The following MYH9 variants were observed in gnomAD, a reference collection of about 807,000 sequenced individuals.
MYH9 encodes the protein myosin heavy chain 9, also known as myosin-9.
A neutral mutation model predicts 241.9 loss-of-function variants in MYH9; 29 were observed. That is an observed-to-expected ratio of 0.12 (90% confidence interval 0.09 to 0.16). The LOEUF (loss-of-function observed/expected upper bound fraction) is 0.16, where lower values mean the gene tolerates loss of function less well. Ranked by LOEUF, MYH9 falls within the 10% of genes least tolerant of loss-of-function variation. The pLI, the probability that MYH9 is intolerant of heterozygous loss-of-function variation, is 1.00. For missense variants in MYH9, 1,803 were observed against 2,595.5 expected (o/e 0.69, Z 6.63); for synonymous variants, 1,047 against 1,062.6 (o/e 0.99, Z 0.29).
Position 36,334,021 on chromosome 22 carries a change from C to G in MYH9, c.491-6533G>C, listed in dbSNP as rs558702595. Among the ~76,000 whole-genome samples the G allele has an allele frequency of 3.3e-5, 5 of 152,162 alleles. No homozygotes were observed. In the East Asian group the frequency reaches 9.6e-4, roughly 29 times the overall value. On this transcript the variant is annotated intron_variant, in intron 3 of 40. Coordinates refer to ENST00000216181, the MANE Select transcript of MYH9 (RefSeq NM_002473.6). ...ACCCAAAATTTCAGGTTCTAAGAGG[C>G]CACTTCCTTTTTATCTCCCGCTCAG...
At chr22:36,360,076 C>CACCACCACCACCACT (rs2017915380) in intron 1 of MYH9, among the ~76,000 whole-genome samples, 1 of 150,278 alleles carries the variant, frequency 6.7e-6, no homozygotes. Flanking sequence ...CCACCACCAC[C>CACCACCACCACCACT]TAACATCAGA....
At chr22:36,358,475 C>T (rs951281193) in intron 1 of MYH9, among the ~76,000 whole-genome samples, 1 of 152,150 alleles carries the variant, frequency 6.6e-6, no homozygotes. Flanking sequence ...AGCTCTCCCC[C>T]ACACCCCTTC....
rs138264059 is a variant in MYH9, at chr22:36,329,623, T to A, written c.491-2135A>T. Among the ~76,000 whole-genome samples, 629 of 152,236 alleles carry A rather than the reference T, an allele frequency of 4.1e-3. No homozygotes were observed. Among genetic ancestry groups the A allele is most frequent in the Non-Finnish European group, 6.9e-3 (467 of 68,002 alleles). On this transcript the variant is annotated intron_variant, in intron 3 of 40. Coordinates refer to ENST00000216181, the MANE Select transcript of MYH9 (RefSeq NM_002473.6). This position sits in a 1 kb window ranked among gnomAD's most constrained non-coding sequence, Gnocchi z 4.1. ...CCAATGCTACCATAAAAGGAAACAT[T>A]CCCCAACCCTTCCAGAGGAACCGTT... is the stretch of plus-strand genomic sequence containing the variant.
intron 21 of MYH9, 49 bp from the exon 22 acceptor site, chr22:36,301,106 C>T (rs781278360): frequency 6.4e-6 from 10 of 1,562,514 alleles, no homozygotes; most frequent in Non-Finnish European, 8.7e-6. Flanking sequence ...ACCCTCAAGC[C>T]ACTCCATCCT....
intron 24 of MYH9, among the ~76,000 whole-genome samples, chr22:36,297,828 C>T (rs904146407): frequency 1.3e-5 from 2 of 152,238 alleles, no homozygotes. Flanking sequence ...GCCAGGTCAC[C>T]GGCATGCTAA....
In MYH9 at chr22:36,285,324, G is replaced by T; in HGVS notation, c.5280C>A (p.Asp1760Glu). 6.2e-7 allele frequency: 1 copy of T among 1,609,196 alleles called. No homozygotes were observed. Among genetic ancestry groups the T allele is most frequent in the Non-Finnish European group, 8.5e-7 (1 of 1,180,016 alleles). Reference sequence around the variant, plus strand: ...CCAGGTTCAGGTCGGTGTTGATCTGGTCGATCTGCAGAAGAAGGGCCAGTG... The same window carrying T: ...CCAGGTTCAGGTCGGTGTTGATCTGTTCGATCTGCAGAAGAAGGGCCAGTG... ...DRLKKANLQI[D>E]QINTDLNLER... The change falls in exon 38 of 41, where the codon GAC (aspartate) becomes GAA (glutamate). Residue 1760 changes from aspartate to glutamate, a missense_variant. Around this residue, in one of 11 missense-constraint regions of MYH9, gnomAD observed 876 missense variants for 1,077.8 expected, o/e 0.81. Transcript: ENST00000216181. This position sits in a 1 kb window ranked among gnomAD's most constrained non-coding sequence, Gnocchi z 7.0.
intron 1 of MYH9, among the ~76,000 whole-genome samples, chr22:36,350,770 G>A (rs1013593225): frequency 1.3e-5 from 2 of 152,134 alleles, no homozygotes; most frequent in East Asian, 1.9e-4. Flanking sequence ...TAACACCATC[G>A]TTATTCCTGC....
chr22:36,299,058 T>C lies in MYH9; in HGVS notation c.2977-16A>G, dbSNP rs769437083. The stretch of plus-strand genomic sequence containing the variant: ...GTTTCTTTTCCTGGGGAGAGGGGAG[T>C]AGGCTGGCATTTAGTGTTGGTTGAG... On this transcript the variant is annotated splice_polypyrimidine_tract_variant and intron_variant, in intron 23 of 40. Coordinates refer to ENST00000216181, the MANE Select transcript of MYH9 (RefSeq NM_002473.6). 3 of 1,613,566 alleles carry C rather than the reference T, an allele frequency of 1.9e-6. No individual in the cohort carries two copies. Among genetic ancestry groups the C allele is most frequent in the Admixed American group, 3.3e-5 (2 of 59,954 alleles).
chr22:36,302,536 C>T, intron 20 of MYH9, 32 bp downstream of exon 20: 1 of 1,569,106 alleles, frequency 6.4e-7, no homozygotes. Flanking sequence ...ACCCGTAGTC[C>T]CAGCTACTCA....
intron 27 of MYH9, among the ~76,000 whole-genome samples, 199 bp from the exon 28 acceptor site, chr22:36,294,497 T>C (rs2016758485): frequency 6.6e-6 from 1 of 152,250 alleles, no homozygotes; most frequent in Non-Finnish European, 1.5e-5. Flanking sequence ...ACTTGGTTCC[T>C]GTCTTCACTG....
chr22:36,301,427 ACTC>A (rs1170070704), intron 21 of MYH9, 104 bp downstream of exon 21: 10 of 1,461,918 alleles, frequency 6.8e-6, no homozygotes, highest in South Asian at 1.1e-5. Flanking sequence ...GTTGTAGAAA[ACTC>A]CTATAGTAAT....
chr22:36,344,901 A>T (rs2146388210), intron 2 of MYH9, among the ~76,000 whole-genome samples: 1 of 152,300 alleles, frequency 6.6e-6, no homozygotes, highest in South Asian at 2.1e-4. Context: ...TTAAAAAGGC[A>T]CCAATAAAGA....
intron 1 of MYH9, among the ~76,000 whole-genome samples, chr22:36,378,214 T>C (rs190069159): frequency 7.7e-4 from 117 of 151,926 alleles, no homozygotes; most frequent in African/African-American, 2.7e-3. Context: ...GCCGAGGCTG[T>C]AGTGAGTTGC....
In MYH9 at chr22:36,288,325, T is replaced by C. The variant is rs1166914282; in HGVS notation, c.4859A>G (p.Lys1620Arg). ...AARKKLEMDL[K>R]DLEAHIDSAN... The stretch of plus-strand genomic sequence containing the variant: ...CGAGTCGATGTGCGCCTCCAGGTCC[T>C]TCAGGTCCATCTCCAGCTTCTTCCG... Residue 1620 changes from lysine (K) to arginine (R), a missense_variant, in exon 34 of 41, where the codon AAG becomes AGG. By Grantham distance (26) the Lys-to-Arg change is conservative (BLOSUM62 2). Coordinates refer to ENST00000216181, the MANE Select transcript of MYH9 (RefSeq NM_002473.6). The surrounding 1 kb of genome is among the most constrained non-coding windows in gnomAD (Gnocchi z 4.8). The C allele has an allele frequency of 3.1e-6, 5 of 1,614,086 alleles. No homozygotes were observed. Among genetic ancestry groups the C allele is most frequent in the Non-Finnish European group, 4.2e-6 (5 of 1,180,014 alleles).
chr22:36,310,462 CCCAGAA>C (rs1462496447), intron 14 of MYH9, among the ~76,000 whole-genome samples: 6 of 152,222 alleles, frequency 3.9e-5, no homozygotes, highest in Admixed American at 3.9e-4. Context: ...TGCAAAAGGT[CCCAGAA>C]CAATACCCAG....
Position 36,295,697 on chromosome 22 carries a change from T to C in MYH9, c.3293A>G (p.Gln1098Arg), listed in dbSNP as rs1569535030. The C allele has an allele frequency of 6.2e-7, 1 of 1,613,466 alleles. No individual in the cohort carries two copies. The change falls in exon 26 of 41, where the codon CAG becomes CGG. Residue 1098 changes from glutamine (Q) to arginine (R), a missense_variant. Transcript: ENST00000216181. This position sits in a 1 kb window ranked among gnomAD's most constrained non-coding sequence, Gnocchi z 4.1. ...GATCTTCTTGAGGGCCATGTTCTTC[T>C]GGGCAGCTTCCTCTTCCACTCTGCC... The part of the protein sequence containing the change: ...ALARVEEEAA[Q>R]KNMALKKIRE...
chr22:36,287,180 C>A (rs1162297371), intron 34 of MYH9, among the ~76,000 whole-genome samples: 1 of 152,228 alleles, frequency 6.6e-6, no homozygotes, highest in Non-Finnish European at 1.5e-5. Flanking sequence ...GCCCAGCCTG[C>A]CGGTCCATCC....
intron 15 of MYH9, among the ~76,000 whole-genome samples, chr22:36,308,206 G>A (rs574563895): frequency 6.6e-5 from 10 of 152,108 alleles, no homozygotes; most frequent in South Asian, 4.2e-4. Flanking sequence ...AGTTTAAGAC[G>A]CTGTCTTTAG....
intron 31 of MYH9, 92 bp downstream of exon 31, chr22:36,291,881 CGGCGAGACCCTGA>C: frequency 6.4e-7 from 1 of 1,566,566 alleles, no homozygotes; most frequent in Non-Finnish European, 8.7e-7. Context: ...GGCCCCTCCC[CGGCGAGACCCTGA>C]GGGAGCCCAG....
Sources: gnomAD v4.1 joint callset for allele counts (sites outside exome capture counted in the v4.1 genomes callset) on GRCh38, gnomAD v4.1.1 for gene constraint, gnomAD v4.1.1 regional missense constraint, Gnocchi (gnomAD v3.1) non-coding constraint, MANE v1.5 for transcripts, NCBI Gene and HGNC (gene_info 2026-07-23, HGNC 2026-07-21) for gene names.